Variants in ANKS1A observed in about 807,000 individuals in gnomAD.
ANKS1A encodes the protein ankyrin repeat and SAM domain-containing protein 1A.
Under a neutral mutation model 120.3 loss-of-function variants are expected in ANKS1A, and 55 were observed. That is an observed-to-expected ratio of 0.46 (90% CI 0.37 to 0.57). The LOEUF is 0.57. Among genes scored for constraint, ANKS1A ranks in the 20% least tolerant of loss-of-function variants. The pLI, the probability that ANKS1A is intolerant of heterozygous loss-of-function variation, is 0.00. For synonymous variants in ANKS1A, 590 were observed against 604.7 expected, an observed-to-expected ratio of 0.98 and a Z score of 0.36; for missense variants, 1,123 against 1,480.3, an observed-to-expected ratio of 0.76 and a Z score of 3.96.
chr6:34,896,658 G>C (rs747693669), intron 1 of ANKS1A, among the ~76,000 whole-genome samples: 1 of 151,802 alleles, frequency 6.6e-6, no homozygotes, highest in Admixed American at 6.6e-5. Context: ...GCAAGACCTC[G>C]TTTCTACAAA....
chr6:35,008,791 A>G (rs1024507094), intron 10 of ANKS1A, among the ~76,000 whole-genome samples: 1 of 152,232 alleles, frequency 6.6e-6, no homozygotes, highest in African/African-American at 2.4e-5. Flanking sequence ...TTGGTGTCCA[A>G]AAGAGGGATA....
At chr6:35,056,327 C>T (rs780937844) in intron 12 of ANKS1A, among the ~76,000 whole-genome samples, 1 of 152,176 alleles carries the variant, frequency 6.6e-6, no homozygotes, top group Non-Finnish European at 1.5e-5. Context: ...CTCGCTCTTT[C>T]GCCCAGGCTG....
intron 10 of ANKS1A, among the ~76,000 whole-genome samples, chr6:35,008,382 A>T (rs890551104): frequency 6.6e-6 from 1 of 152,074 alleles, no homozygotes; most frequent in Non-Finnish European, 1.5e-5. Context: ...ATGCCCAGCT[A>T]AAAGTGTTTT....
intron 13 of ANKS1A, among the ~76,000 whole-genome samples, chr6:35,065,750 C>T (rs1244518578): frequency 6.6e-6 from 1 of 152,236 alleles, no homozygotes; most frequent in Non-Finnish European, 1.5e-5. Context: ...TGGGCTGGTC[C>T]AGGTCAGACG....
chr6:34,949,826 A>G (rs140990111), intron 1 of ANKS1A, among the ~76,000 whole-genome samples: 1 of 152,276 alleles, frequency 6.6e-6, no homozygotes, highest in Non-Finnish European at 1.5e-5. Context: ...TAGCCTCTTT[A>G]ATTGAAGAGC....
chr6:34,981,028 C>A (rs1286899516), intron 3 of ANKS1A, among the ~76,000 whole-genome samples: 1 of 152,178 alleles, frequency 6.6e-6, no homozygotes, highest in African/African-American at 2.4e-5. Flanking sequence ...GTAGATACTG[C>A]ATGCGTTGCT....
chr6:34,968,572 G>A (rs1257629568), intron 2 of ANKS1A, among the ~76,000 whole-genome samples: 1 of 152,070 alleles, frequency 6.6e-6, no homozygotes, highest in African/African-American at 2.4e-5. Flanking sequence ...TGAGTAGCTG[G>A]GATTACAGGC....
chr6:35,084,043 A>C lies in ANKS1A; in HGVS notation c.2995-78A>C. Reference sequence around the variant, plus strand: ...CTAGGCTGGGACAGAGAACAGTGACAATGGTAACAGGCTGGGGCAGGGGGT... The same window carrying C: ...CTAGGCTGGGACAGAGAACAGTGACCATGGTAACAGGCTGGGGCAGGGGGT... On this transcript the variant is annotated intron_variant, in intron 20 of 23. Transcript: ENST00000360359. The surrounding 1 kb of genome is among the most constrained non-coding windows in gnomAD (Gnocchi z 4.8). 2 of 1,579,674 alleles carry C rather than the reference A, an allele frequency of 1.3e-6. No individual in the cohort carries two copies. Among genetic ancestry groups the C allele is most frequent in the Non-Finnish European group, 1.7e-6 (2 of 1,158,036 alleles).
At chr6:35,095,714 T>C (rs1778451176), downstream of ANKS1A, among the ~76,000 whole-genome samples, 1 of 149,316 alleles carries the variant, frequency 6.7e-6, no homozygotes, top group African/African-American at 2.5e-5. Context: ...AAAACTATTA[T>C]TACAAAAGAC....
chr6:34,929,248 G>A (rs1353968619), intron 1 of ANKS1A, among the ~76,000 whole-genome samples: 4 of 152,082 alleles, frequency 2.6e-5, no homozygotes, highest in African/African-American at 9.7e-5. Context: ...TGGTAGTAAT[G>A]GTTTCATTTG....
intron 1 of ANKS1A, among the ~76,000 whole-genome samples, chr6:34,957,106 A>T (rs889466225): frequency 2.6e-5 from 4 of 152,218 alleles, no homozygotes; most frequent in African/African-American, 7.2e-5. Context: ...TTCAAAAAGG[A>T]TCAACATTTT....
chr6:35,029,390 C>G (rs2127568438), intron 11 of ANKS1A, among the ~76,000 whole-genome samples: 1 of 148,186 alleles, frequency 6.7e-6, no homozygotes, highest in Admixed American at 6.7e-5. Context: ...GCTCTGTCAC[C>G]CCGGCTGGAG....
chr6:34,902,671 G>A (rs1451618021), intron 1 of ANKS1A, among the ~76,000 whole-genome samples: 1 of 148,992 alleles, frequency 6.7e-6, no homozygotes, highest in Non-Finnish European at 1.5e-5. Flanking sequence ...CAGGCCAGGT[G>A]CGGTGGCTGT....
chr6:35,061,818 C>T (rs2127592316), intron 13 of ANKS1A, among the ~76,000 whole-genome samples: 1 of 152,280 alleles, frequency 6.6e-6, no homozygotes, highest in African/African-American at 2.4e-5. Context: ...GGAGAGGGGG[C>T]TCAGGCAATG....
chr6:34,901,239 T>C (rs562517438), intron 1 of ANKS1A, among the ~76,000 whole-genome samples: 1 of 151,874 alleles, frequency 6.6e-6, no homozygotes, highest in Non-Finnish European at 1.5e-5. Context: ...TTTTAAACAA[T>C]TCGCTCCCTC....
chr6:35,032,598 C>A (rs534094289), intron 11 of ANKS1A, among the ~76,000 whole-genome samples: 1 of 152,250 alleles, frequency 6.6e-6, no homozygotes, highest in Admixed American at 6.5e-5. Context: ...GTCATGTTTT[C>A]CCCCAAAGAA....
chr6:34,893,587 A>G (rs917317200), intron 1 of ANKS1A, among the ~76,000 whole-genome samples: 1 of 152,238 alleles, frequency 6.6e-6, no homozygotes, highest in Non-Finnish European at 1.5e-5. Flanking sequence ...TGCTAGATGC[A>G]CTGCAAAATA....
chr6:35,063,225 C>T (rs1776607477), intron 13 of ANKS1A, among the ~76,000 whole-genome samples: 1 of 152,240 alleles, frequency 6.6e-6, no homozygotes, highest in African/African-American at 2.4e-5. Context: ...AGCCAGCCCA[C>T]GAGCCCACCA....
intron 1 of ANKS1A, among the ~76,000 whole-genome samples, chr6:34,890,401 T>A (rs1766753050): frequency 6.6e-6 from 1 of 152,240 alleles, no homozygotes; most frequent in African/African-American, 2.4e-5. Flanking sequence ...CTCGCTTTTG[T>A]TTTATTAAAA....
Sources: gnomAD v4.1 joint callset for allele counts (sites outside exome capture counted in the v4.1 genomes callset) on GRCh38, gnomAD v4.1.1 for gene constraint, Gnocchi (gnomAD v3.1) non-coding constraint, MANE v1.5 for transcripts, NCBI Gene and HGNC (gene_info 2026-07-23, HGNC 2026-07-21) for gene names.